The following SORCS3 variants were observed in gnomAD, a reference collection of about 807,000 sequenced individuals.
SORCS3 encodes sortilin related VPS10 domain containing receptor 3.
A neutral mutation model predicts 146.3 loss-of-function variants in SORCS3; 57 were observed. The ratio of observed to expected loss-of-function variants is 0.39; its 90% CI spans 0.31 to 0.49. The LOEUF (loss-of-function observed/expected upper bound fraction) is 0.49. SORCS3 is among the 20% of genes least tolerant of loss of function. The pLI is 0.92. For missense variants in SORCS3, 1,341 were observed against 1,575.5 expected, an observed-to-expected ratio of 0.85 and a Z score of 2.52; for synonymous variants, 653 against 618.5, an observed-to-expected ratio of 1.06 and a Z score of -0.83.
At chr10:104,928,409 G>A (rs2019171733) in intron 3 of SORCS3, among the ~76,000 whole-genome samples, 1 of 152,196 alleles carries the variant, frequency 6.6e-6, no homozygotes, top group Admixed American at 6.5e-5. Context: ...TGGGAAGGCA[G>A]GATGATGTGT....
Position 104,671,952 on chromosome 10 carries a change from G to C in SORCS3, c.627+29998G>C, listed in dbSNP as rs182547123. Among the ~76,000 whole-genome samples the C allele has an allele frequency of 3.3e-5, 5 of 152,254 alleles. No individual in the cohort carries two copies. The East Asian group carries it at 5.8e-4, about 18-fold the overall frequency. ...ACTTTTCTTTTCTTATAGTGTCTTT[G>C]ACTGGCTTTGGTATCAGGGTAATTA... On this transcript the variant is annotated intron_variant, in intron 1 of 26. Transcript: ENST00000369701.
chr10:104,668,711 A>G (rs1188707448), intron 1 of SORCS3, among the ~76,000 whole-genome samples: 1 of 152,228 alleles, frequency 6.6e-6, no homozygotes, highest in East Asian at 1.9e-4. Context: ...AACTTGAACT[A>G]TAGCACAGAT....
intron 1 of SORCS3, among the ~76,000 whole-genome samples, chr10:104,666,588 T>G (rs2015780184): frequency 1.3e-5 from 2 of 152,088 alleles, no homozygotes; most frequent in South Asian, 4.1e-4. Flanking sequence ...ATGGAATAAT[T>G]TTAATGAGAG....
At chr10:105,187,664 G>A (rs1310772375) in intron 14 of SORCS3, among the ~76,000 whole-genome samples, 3 of 152,210 alleles carry the variant, frequency 2.0e-5, no homozygotes, top group African/African-American at 7.2e-5. Context: ...GCCTTTCAGA[G>A]AGAACTGAAC....
Position 104,728,206 on chromosome 10 carries a change from C to A in SORCS3, c.627+86252C>A, listed in dbSNP as rs574428221. Among the ~76,000 whole-genome samples the A allele has an allele frequency of 8.5e-4, 130 of 152,100 alleles. 7 individuals are homozygous for A. In the South Asian group the frequency reaches 0.027, roughly 31 times the overall value. On this transcript the variant is annotated intron_variant, in intron 1 of 26. Transcript: ENST00000369701. ...TGCTCTTATGGCTCTTTGTTCCATC[C>A]CTCATTATTTCCTTAAGATAAATGC...
intron 4 of SORCS3, among the ~76,000 whole-genome samples, chr10:104,983,252 C>T (rs567302086): frequency 7.9e-5 from 12 of 151,786 alleles, no homozygotes; most frequent in South Asian, 2.1e-4. Context: ...CTGCCCTCCT[C>T]GGCCTCCCAA....
At chr10:104,945,745 C>G (rs1038488617) in intron 3 of SORCS3, among the ~76,000 whole-genome samples, 8 of 151,578 alleles carry the variant, frequency 5.3e-5, no homozygotes, top group African/African-American at 1.9e-4. Flanking sequence ...CCGGGATACA[C>G]TTTTTCACAA....
At chr10:104,796,525 C>A (rs1211029405) in intron 1 of SORCS3, among the ~76,000 whole-genome samples, 1 of 151,744 alleles carries the variant, frequency 6.6e-6, no homozygotes, top group Non-Finnish European at 1.5e-5. Context: ...TTAATGGCTT[C>A]ATTTCCCTGC....
chr10:104,725,941 C>T (rs891066315), intron 1 of SORCS3, among the ~76,000 whole-genome samples: 3 of 152,212 alleles, frequency 2.0e-5, no homozygotes, highest in East Asian at 1.9e-4. Context: ...GGCGATGCCT[C>T]GCCCTGCTTC....
At chr10:104,797,929 C>CTACT (rs894433977) in intron 1 of SORCS3, among the ~76,000 whole-genome samples, 16 of 152,150 alleles carry the variant, frequency 1.1e-4, no homozygotes, top group Non-Finnish European at 2.2e-4. Context: ...CAGCTCAGAG[C>CTACT]TACTGAATTA....
intron 1 of SORCS3, among the ~76,000 whole-genome samples, chr10:104,803,579 T>G (rs1232513038): frequency 6.6e-6 from 1 of 152,224 alleles, no homozygotes; most frequent in Non-Finnish European, 1.5e-5. Flanking sequence ...GAAAATCACT[T>G]CTGTAAGCAC....
At chr10:105,048,188 A>G (rs2055387059) in intron 5 of SORCS3, among the ~76,000 whole-genome samples, 1 of 151,674 alleles carries the variant, frequency 6.6e-6, no homozygotes, top group African/African-American at 2.4e-5. Flanking sequence ...TACTGGGTAT[A>G]TACCCAAAGG....
At chr10:104,915,461 A>T (rs1051245403) in intron 2 of SORCS3, among the ~76,000 whole-genome samples, 7 of 121,356 alleles carry the variant, frequency 5.8e-5, no homozygotes, top group South Asian at 2.9e-4. Context: ...CAACTCCCGT[A>T]TAGAGGGTCC....
chr10:104,661,725 C>T (rs957835429), intron 1 of SORCS3, among the ~76,000 whole-genome samples: 5 of 152,082 alleles, frequency 3.3e-5, no homozygotes, highest in African/African-American at 9.7e-5. Context: ...AGATACATAT[C>T]ATCCTGCAAT....
intron 16 of SORCS3, among the ~76,000 whole-genome samples, chr10:105,207,060 G>A (rs2119630193): frequency 6.6e-6 from 1 of 152,212 alleles, no homozygotes; most frequent in Non-Finnish European, 1.5e-5. Flanking sequence ...CTGGGGACTA[G>A]GGCCCTCCTT....
In SORCS3 at chr10:104,931,361, C is replaced by G. The variant is rs554598090; in HGVS notation, c.795+15429C>G. Among the ~76,000 whole-genome samples, 4 of 152,264 alleles carry G rather than the reference C, an allele frequency of 2.6e-5. No individual in the cohort carries two copies. The South Asian group carries it at 8.3e-4, about 32-fold the overall frequency. ...TGACATTAGGGCGCTTTGAGATTCT[C>G]TTATCTTTGTTCAGTAAACCTAGGA... On this transcript the variant is annotated intron_variant, in intron 3 of 26. Coordinates refer to ENST00000369701, the MANE Select transcript of SORCS3 (RefSeq NM_014978.3).
At chr10:104,794,837 A>G (rs1167134012) in intron 1 of SORCS3, among the ~76,000 whole-genome samples, 1 of 152,162 alleles carries the variant, frequency 6.6e-6, no homozygotes, top group African/African-American at 2.4e-5. Flanking sequence ...TTCCCTCGGG[A>G]TAGTGTAGCC....
chr10:104,940,233 TATATA>T (rs1253295302), intron 3 of SORCS3, among the ~76,000 whole-genome samples: 30 of 17,532 alleles, frequency 1.7e-3, no homozygotes, highest in Admixed American at 5.3e-3. Context: ...TATATATATA[TATATA>T]TTTTTTTTTT....
In SORCS3 at chr10:105,097,511, T is replaced by C. The variant is rs562514116; in HGVS notation, c.1093+7672T>C. On this transcript the variant is annotated intron_variant, in intron 6 of 26. Transcript: ENST00000369701. ...CATTTAAGAGGCAATTAAGTGTCAA[T>C]AGAGAGAGTATTAACTCGATGACAT... 2.6e-5 allele frequency among the ~76,000 whole-genome samples: 4 copies of C among 152,300 alleles called. No homozygotes were observed. The South Asian group carries it at 8.3e-4, about 32-fold the overall frequency.
Sources: allele counts gnomAD v4.1 joint callset (sites outside exome capture counted in the v4.1 genomes callset), GRCh38; gene constraint gnomAD v4.1.1; transcripts MANE v1.5; gene names NCBI Gene and HGNC (gene_info 2026-07-23, HGNC 2026-07-21).